PLEKHH2: variants seen among roughly 807,000 people sequenced by gnomAD.
PLEKHH2 encodes pleckstrin homology domain-containing family H member 2.
PLEKHH2 carries 129 observed loss-of-function variants against 187.9 expected under a neutral mutation model. The observed-to-expected ratio is 0.69, with a 90% CI of 0.59 to 0.79. The LOEUF (loss-of-function observed/expected upper bound fraction) is 0.79. Ranked by LOEUF, PLEKHH2 falls within the 30% of genes least tolerant of loss-of-function variation. The pLI is 0.00. For missense variants in PLEKHH2, 2,076 were observed against 1,751.2 expected (o/e 1.19, Z -3.31); for synonymous variants, 686 against 605.6 (o/e 1.13, Z -1.95).
intron 26 of PLEKHH2, among the ~76,000 whole-genome samples, chr2:43,757,538 C>G (rs1572669481): frequency 6.6e-6 from 1 of 151,678 alleles, no homozygotes. Flanking sequence ...CATGCCTCAG[C>G]CTCCCAAGTA....
intron 4 of PLEKHH2, 73 bp downstream of exon 4, chr2:43,692,736 A>G (rs1668872522): frequency 2.7e-6 from 4 of 1,478,308 alleles, no homozygotes; most frequent in Non-Finnish European, 3.7e-6. Context: ...TTAAAAAGAG[A>G]GAGCCTAAAT....
At chr2:43,660,628 C>T (rs1667025617) in intron 2 of PLEKHH2, among the ~76,000 whole-genome samples, 1 of 118,366 alleles carries the variant, frequency 8.4e-6, no homozygotes, top group Non-Finnish European at 1.7e-5. Context: ...CCTCCCCCCA[C>T]CCCACCACAG....
chr2:43,681,025 A>C, intron 3 of PLEKHH2: 3 of 1,280,280 alleles, frequency 2.3e-6, no homozygotes, highest in Non-Finnish European at 3.2e-6. Flanking sequence ...GTTCCCTCAG[A>C]ATGCCAACTG....
At chr2:43,653,138 A>G (rs1666571698) in intron 2 of PLEKHH2, among the ~76,000 whole-genome samples, 1 of 152,138 alleles carries the variant, frequency 6.6e-6, no homozygotes, top group South Asian at 2.1e-4. Flanking sequence ...GAAACAATAC[A>G]AGAAAGTTTC....
chr2:43,706,997 A>C lies in PLEKHH2; in HGVS notation c.1822-404A>C, dbSNP rs188934628. ...CGGATCACGAGGTCAGGAGTTCGAGACCAGCCTGGCCAACATGGCGAAACC... is the reference window on the plus strand; with the variant it reads ...CGGATCACGAGGTCAGGAGTTCGAGCCCAGCCTGGCCAACATGGCGAAACC... On this transcript the variant is annotated intron_variant, in intron 10 of 29. Coordinates refer to ENST00000282406, the MANE Select transcript of PLEKHH2 (RefSeq NM_172069.4). Among the ~76,000 whole-genome samples the C allele has an allele frequency of 7.1e-3, 1,085 of 152,232 alleles. 9 individuals are homozygous for C. Among genetic ancestry groups the C allele is most frequent in the African/African-American group, 0.025 (1,029 of 41,530 alleles).
At chr2:43,654,070 TA>T (rs985769343) in intron 2 of PLEKHH2, among the ~76,000 whole-genome samples, 43 of 152,184 alleles carry the variant, frequency 2.8e-4, no homozygotes, top group African/African-American at 1.0e-3. Context: ...ATCACTAAAC[TA>T]AAAAAGTCAA....
intron 1 of PLEKHH2, among the ~76,000 whole-genome samples, chr2:43,641,390 C>A (rs915742720): frequency 6.6e-6 from 1 of 152,126 alleles, no homozygotes; most frequent in Admixed American, 6.5e-5. Flanking sequence ...GAGTTTAGAG[C>A]AAGCGTGTCC....
At chr2:43,639,649 ACTTT>A (rs1335196167) in intron 1 of PLEKHH2, among the ~76,000 whole-genome samples, 5 of 122,632 alleles carry the variant, frequency 4.1e-5, no homozygotes, top group Non-Finnish European at 8.3e-5. Flanking sequence ...TGGATGTACC[ACTTT>A]TTTTTTTTTT....
rs757178529 is a variant in PLEKHH2, at chr2:43,699,951, C to T, written c.993C>T (p.Asp331=). Residue 331 remains aspartate, a synonymous_variant, in exon 8 of 30, where the codon GAC becomes GAT. Coordinates refer to ENST00000282406, the MANE Select transcript of PLEKHH2 (RefSeq NM_172069.4). ...AAATGTATCTGACAGCATCTGATGA[C>T]AGCAGCTCTATATTTGAGGAAGAGA... ...GSEMYLTASD[D]SSSIFEEETF... The T allele has an allele frequency of 6.2e-6, 10 of 1,613,990 alleles. No homozygotes were observed. In the African/African-American group the frequency reaches 1.3e-4, roughly 22 times the overall value.
At chr2:43,652,616 C>G (rs193081338) in intron 2 of PLEKHH2, among the ~76,000 whole-genome samples, 26 of 152,272 alleles carry the variant, frequency 1.7e-4, no homozygotes, top group Admixed American at 1.1e-3. Context: ...CAGTAGTTCC[C>G]CAACAGGGAG....
rs116169508 is a variant in PLEKHH2, at chr2:43,761,700, A to C, written c.4072-604A>C. On this transcript the variant is annotated intron_variant, in intron 27 of 29. Coordinates refer to ENST00000282406, the MANE Select transcript of PLEKHH2 (RefSeq NM_172069.4). ...TGCTAGGATTACAGGCGAGAGCCACAACACCCAGTCAATTTCGTAGCTTTT... is the reference window on the plus strand; with the variant it reads ...TGCTAGGATTACAGGCGAGAGCCACCACACCCAGTCAATTTCGTAGCTTTT... Among the ~76,000 whole-genome samples the C allele has an allele frequency of 7.3e-3, 1,116 of 152,202 alleles. 15 individuals are homozygous for C. The highest frequency in any genetic ancestry group is 0.025 in the African/African-American group (1,050 of 41,522).
At chr2:43,758,467 G>A (rs1392904178) in intron 26 of PLEKHH2, among the ~76,000 whole-genome samples, 1 of 152,098 alleles carries the variant, frequency 6.6e-6, no homozygotes, top group African/African-American at 2.4e-5. Context: ...TGGCCAGGCT[G>A]GTCTTAAACA....
At chr2:43,723,800 G>A (rs1476520807) in intron 16 of PLEKHH2, among the ~76,000 whole-genome samples, 1 of 152,188 alleles carries the variant, frequency 6.6e-6, no homozygotes, top group African/African-American at 2.4e-5. Flanking sequence ...GCTTTGAGCG[G>A]AACAGGGACA....
intron 6 of PLEKHH2, among the ~76,000 whole-genome samples, chr2:43,696,708 C>T (rs558422204): frequency 6.3e-4 from 96 of 152,194 alleles, no homozygotes; most frequent in Non-Finnish European, 1.2e-3. Flanking sequence ...TTACAGTTAT[C>T]ATGGGATGGT....
At chr2:43,727,131 G>C (rs1026046551) in intron 17 of PLEKHH2, among the ~76,000 whole-genome samples, 4 of 152,058 alleles carry the variant, frequency 2.6e-5, no homozygotes, top group Non-Finnish European at 5.9e-5. Context: ...ACAAAAGGGC[G>C]GGCTGGGTGC....
chr2:43,677,545 CAGA>C (rs1667881906), intron 2 of PLEKHH2, among the ~76,000 whole-genome samples: 1 of 151,892 alleles, frequency 6.6e-6, no homozygotes, highest in African/African-American at 2.4e-5. Flanking sequence ...GATCCCAAGG[CAGA>C]AGAATTTTTC....
intron 15 of PLEKHH2, among the ~76,000 whole-genome samples, chr2:43,713,252 A>G (rs1342758140): frequency 2.6e-5 from 4 of 152,200 alleles, no homozygotes; most frequent in Non-Finnish European, 4.4e-5. Context: ...AAAATGAGGT[A>G]TGATTAATAT....
At chr2:43,707,350 G>A (rs1669711881) in intron 10 of PLEKHH2, 51 bp from the exon 11 acceptor site, 1 of 1,599,978 alleles carries the variant, frequency 6.3e-7, no homozygotes, top group Admixed American at 1.7e-5. Context: ...TTTCTTGGAT[G>A]AGTGGTAACA....
At position 43,700,803 on chromosome 2, in the gene PLEKHH2, C is replaced by T. The variant is rs968287410; in HGVS notation, c.1650+195C>T. On this transcript the variant is annotated intron_variant, in intron 8 of 29. Transcript: ENST00000282406. ...GAGTAGCTGATACAGGCATGCACTA[C>T]CATGCCTGGCTAATTTTTGTATTTT... 4.6e-5 allele frequency among the ~76,000 whole-genome samples: 7 copies of T among 152,150 alleles called. No individual in the cohort carries two copies. In the East Asian group the frequency reaches 9.6e-4, roughly 21 times the overall value.
Sources: gnomAD v4.1 joint callset for allele counts (sites outside exome capture counted in the v4.1 genomes callset) on GRCh38, gnomAD v4.1.1 for gene constraint, MANE v1.5 for transcripts, NCBI Gene and HGNC (gene_info 2026-07-23, HGNC 2026-07-21) for gene names.